PRKAA2: variants seen among roughly 807,000 people sequenced by gnomAD.
PRKAA2 encodes 5'-AMP-activated protein kinase catalytic subunit alpha-2.
PRKAA2 carries 40 observed loss-of-function variants against 56.3 expected under a neutral mutation model. The observed-to-expected ratio is 0.71, with a 90% CI of 0.55 to 0.92. The LOEUF is 0.92. Ranked by LOEUF, PRKAA2 falls within the 40% of genes least tolerant of loss-of-function variation. PRKAA2 has a pLI of 0.00. For missense variants in PRKAA2, 542 were observed against 686.9 expected (o/e 0.79, Z 2.36); for synonymous variants, 214 against 234.2 (o/e 0.91, Z 0.79).
At chr1:56,645,881 C>A (rs1389893795) in intron 1 of PRKAA2, among the ~76,000 whole-genome samples, 2 of 152,168 alleles carry the variant, frequency 1.3e-5, no homozygotes, top group African/African-American at 4.8e-5. Flanking sequence ...GGGGATCATC[C>A]ACGCTACTGA....
At chr1:56,697,289 G>T (rs1258089827) in intron 6 of PRKAA2, among the ~76,000 whole-genome samples, 2 of 151,988 alleles carry the variant, frequency 1.3e-5, no homozygotes, top group Non-Finnish European at 2.9e-5. Context: ...CTCCCAAAGT[G>T]CTGGGATTAC....
At chr1:56,664,191 T>G (rs1217631367) in intron 1 of PRKAA2, among the ~76,000 whole-genome samples, 1 of 152,218 alleles carries the variant, frequency 6.6e-6, no homozygotes, top group Non-Finnish European at 1.5e-5. Context: ...CCATAAACTT[T>G]TCATAAGGCC....
At chr1:56,688,976 A>G (rs1644209579) in intron 2 of PRKAA2, among the ~76,000 whole-genome samples, 1 of 152,236 alleles carries the variant, frequency 6.6e-6, no homozygotes, top group Admixed American at 6.5e-5. Flanking sequence ...TCATTGCTCT[A>G]GACTGGCCTT....
intron 1 of PRKAA2, among the ~76,000 whole-genome samples, chr1:56,653,341 G>A (rs947058756): frequency 7.3e-5 from 11 of 151,460 alleles, no homozygotes; most frequent in Non-Finnish European, 1.5e-4. Flanking sequence ...TTCATTTGGT[G>A]TAGCCAGTTG....
At chr1:56,657,292 A>T (rs1336257873) in intron 1 of PRKAA2, among the ~76,000 whole-genome samples, 2 of 152,204 alleles carry the variant, frequency 1.3e-5, no homozygotes, top group East Asian at 3.9e-4. Flanking sequence ...GAAAACAAGG[A>T]AAAAATGGAA....
At chr1:56,671,133 A>G (rs1476935117) in intron 1 of PRKAA2, among the ~76,000 whole-genome samples, 4 of 152,228 alleles carry the variant, frequency 2.6e-5, no homozygotes, top group African/African-American at 9.6e-5. Context: ...ATATACATAG[A>G]AGAAATTCTT....
intron 2 of PRKAA2, 38 bp downstream of exon 2, chr1:56,674,560 C>G: frequency 1.5e-6 from 2 of 1,356,854 alleles, no homozygotes; most frequent in African/African-American, 3.0e-5. Context: ...AAAGAGACAC[C>G]TATCTTAAAA....
intron 1 of PRKAA2, among the ~76,000 whole-genome samples, chr1:56,672,662 G>A (rs1644086047): frequency 6.6e-6 from 1 of 152,118 alleles, no homozygotes; most frequent in Non-Finnish European, 1.5e-5. Flanking sequence ...ACAGGAGAGA[G>A]AAATACCACC....
intron 2 of PRKAA2, among the ~76,000 whole-genome samples, chr1:56,676,982 G>A (rs1164857970): frequency 6.6e-6 from 1 of 152,102 alleles, no homozygotes; most frequent in African/African-American, 2.4e-5. Flanking sequence ...AAATTGCATG[G>A]CAGTACTTGA....
At chr1:56,673,443 A>G (rs1221452549) in intron 1 of PRKAA2, among the ~76,000 whole-genome samples, 1 of 152,164 alleles carries the variant, frequency 6.6e-6, no homozygotes. Context: ...GAAATAAAAA[A>G]GGGTGTTTGT....
intron 2 of PRKAA2, among the ~76,000 whole-genome samples, chr1:56,675,942 A>T (rs916452175): frequency 1.4e-5 from 2 of 139,840 alleles, no homozygotes; most frequent in Admixed American, 7.6e-5. Context: ...GCATGTTCAT[A>T]TAAATATACT....
rs760757646 is a variant in PRKAA2, at chr1:56,707,699, A to G, written c.1645A>G (p.Thr549Ala). ...TGAAATGTGTGCCAGTCTGATTACT[A>G]CTTTAGCCCGTTGATCTGTCTCTAG... ...FFEMCASLIT[T>A]LAR Residue 549 changes from threonine to alanine, a missense_variant, in exon 9 of 9, where the codon ACT becomes GCT. By Grantham distance (58) the Thr-to-Ala change is moderately conservative. Around this residue, in one of 5 missense-constraint regions of PRKAA2, gnomAD observed 158 missense variants for 166.1 expected, o/e 0.95. Coordinates refer to ENST00000371244, the MANE Select transcript of PRKAA2 (RefSeq NM_006252.4). 7 of 1,595,692 alleles carry G rather than the reference A, an allele frequency of 4.4e-6. No individual in the cohort carries two copies. In the East Asian group the frequency reaches 1.3e-4, roughly 31 times the overall value.
At chr1:56,678,246 C>T (rs1310105674) in intron 2 of PRKAA2, among the ~76,000 whole-genome samples, 1 of 152,104 alleles carries the variant, frequency 6.6e-6, no homozygotes, top group African/African-American at 2.4e-5. Flanking sequence ...AACAAAAAAA[C>T]ACTCATGTAT....
At chr1:56,695,215 A>T (rs1209055819) in intron 5 of PRKAA2, among the ~76,000 whole-genome samples, 1 of 144,364 alleles carries the variant, frequency 6.9e-6, no homozygotes, top group Non-Finnish European at 1.5e-5. Context: ...TTTTGTTTTG[A>T]GATAGAGTCT....
At chr1:56,679,832 CTCCTCT>C (rs1443627015) in intron 2 of PRKAA2, among the ~76,000 whole-genome samples, 3 of 152,140 alleles carry the variant, frequency 2.0e-5, no homozygotes, top group Non-Finnish European at 4.4e-5. Context: ...AGACCAACCC[CTCCTCT>C]TCCTCTTCCT....
chr1:56,688,978 A>G (rs1049806242), intron 2 of PRKAA2, among the ~76,000 whole-genome samples: 8 of 152,216 alleles, frequency 5.3e-5, no homozygotes, highest in Non-Finnish European at 1.0e-4. Context: ...ATTGCTCTAG[A>G]CTGGCCTTTA....
rs777923814 is a variant in PRKAA2 at position 56,691,431 on chromosome 1, G to C, written c.274G>C (p.Val92Leu). 1 of 1,612,652 alleles carries C rather than the reference G, an allele frequency of 6.2e-7. No individual in the cohort carries two copies. Among genetic ancestry groups the C allele is most frequent in the South Asian group, 1.1e-5 (1 of 90,962 alleles). Residue 92 changes from valine to leucine, a missense_variant, in exon 3 of 9, where the codon GTA becomes CTA. Coordinates refer to ENST00000371244, the MANE Select transcript of PRKAA2 (RefSeq NM_006252.4). Reference sequence around the variant, plus strand: ...CAGCACTCCAACAGATTTTTTTATGGTAATGGAATATGTGTCTGGAGGTGA... The same window carrying C: ...CAGCACTCCAACAGATTTTTTTATGCTAATGGAATATGTGTCTGGAGGTGA... ...VISTPTDFFMVMEYVSGGELF... is the reference protein window; with the variant it reads ...VISTPTDFFMLMEYVSGGELF...
chr1:56,655,029 A>G (rs1473499376), intron 1 of PRKAA2, among the ~76,000 whole-genome samples: 1 of 151,504 alleles, frequency 6.6e-6, no homozygotes, highest in Admixed American at 6.6e-5. Flanking sequence ...GATTATATAT[A>G]CTATTAAAAC....
intron 1 of PRKAA2, among the ~76,000 whole-genome samples, chr1:56,663,207 C>T (rs1644008693): frequency 6.6e-6 from 1 of 152,140 alleles, no homozygotes; most frequent in Admixed American, 6.6e-5. Flanking sequence ...TGTTTCAGCC[C>T]CCTGAGTAGC....
Sources: allele counts gnomAD v4.1 joint callset (sites outside exome capture counted in the v4.1 genomes callset), GRCh38; gene constraint gnomAD v4.1.1; regional missense constraint gnomAD v4.1.1; transcripts MANE v1.5; gene names NCBI Gene and HGNC (gene_info 2026-07-23, HGNC 2026-07-21).